AGPS: variants seen among roughly 807,000 people sequenced by gnomAD.
AGPS encodes alkyldihydroxyacetonephosphate synthase, peroxisomal.
A neutral mutation model predicts 90.7 loss-of-function variants in AGPS; 26 were observed. The observed-to-expected ratio is 0.29, with a 90% confidence interval of 0.21 to 0.40. The LOEUF (loss-of-function observed/expected upper bound fraction) is 0.40, where lower values mean the gene tolerates loss of function less well. Ranked by LOEUF, AGPS falls within the 10% of genes least tolerant of loss-of-function variation. AGPS has a pLI of 1.00. For synonymous variants in AGPS, 294 were observed against 285.3 expected (o/e 1.03, Z -0.31); for missense variants, 540 against 816.1 (o/e 0.66, Z 4.12).
rs1265615518 is a variant in AGPS, at chr2:177,523,776, A to G, written c.1826A>G (p.Asn609Ser). 8.7e-6 allele frequency: 14 copies of G among 1,613,852 alleles called. No homozygotes were observed. The highest frequency in any genetic ancestry group is 1.2e-5 in the Non-Finnish European group (14 of 1,179,894). ...EAAAREEILANGGSLSHHHGV... is the reference protein window; with the variant it reads ...EAAAREEILASGGSLSHHHGV... ...GCTGCTAGAGAAGAAATCCTTGCTA[A>G]TGGAGGGAGCCTGTCACATCACCAT... is the stretch of plus-strand genomic sequence containing the variant. The change falls in exon 19 of 20, where the codon AAT becomes AGT. Residue 609 changes from asparagine to serine, a missense_variant. This residue lies in a region of AGPS where 405 missense variants were observed against 692.1 expected (regional missense o/e 0.59). Transcript: ENST00000264167.
At chr2:177,501,051 G>A (rs1188665187) in intron 14 of AGPS, among the ~76,000 whole-genome samples, 1 of 152,112 alleles carries the variant, frequency 6.6e-6, no homozygotes, top group African/African-American at 2.4e-5. Context: ...AAGGCACAAG[G>A]ACATTTAAAA....
intron 3 of AGPS, among the ~76,000 whole-genome samples, chr2:177,435,482 C>T (rs1028972713): frequency 6.6e-6 from 1 of 152,006 alleles, no homozygotes; most frequent in Non-Finnish European, 1.5e-5. Context: ...GTTTTGAGCC[C>T]TTTTCAATTC....
Position 177,541,560 on chromosome 2 carries a change from C to T in AGPS, c.*3365C>T, listed in dbSNP as rs1448832423. The T allele has an allele frequency of 6.6e-6, 1 of 152,166 alleles. No homozygotes were observed. Among genetic ancestry groups the T allele is most frequent in the Non-Finnish European group, 1.5e-5 (1 of 68,018 alleles). The allele number at this position is 152,166 out of a possible 1,614,324, so 9.4% of individuals were successfully genotyped here. A position where few individuals can be genotyped will look rare whatever the true frequency, so the allele number is the denominator to read the frequency against. ...AAGCATATCTATATCTTAAAAAACA[C>T]TCAGACAGGAGTTAAGGACAGCTTT... On this transcript the variant is annotated 3_prime_UTR_variant, in exon 20 of 20. Transcript: ENST00000264167.
intron 1 of AGPS, among the ~76,000 whole-genome samples, chr2:177,410,921 G>A (rs373072576): frequency 6.6e-6 from 1 of 152,170 alleles, no homozygotes; most frequent in Non-Finnish European, 1.5e-5. Context: ...GGGCATGGAC[G>A]AGGGGGTAGC....
At chr2:177,460,858 G>A (rs1232859665) in intron 8 of AGPS, among the ~76,000 whole-genome samples, 3 of 152,134 alleles carry the variant, frequency 2.0e-5, no homozygotes, top group African/African-American at 7.2e-5. Context: ...AACAGTTGAT[G>A]TCTTTTAAAA....
intron 1 of AGPS, among the ~76,000 whole-genome samples, chr2:177,417,367 C>T (rs1362089587): frequency 6.6e-6 from 1 of 152,092 alleles, no homozygotes; most frequent in Non-Finnish European, 1.5e-5. Context: ...GGGTCCCATC[C>T]CCAAGAAATC....
intron 1 of AGPS, among the ~76,000 whole-genome samples, chr2:177,413,684 G>C (rs1392293852): frequency 6.6e-6 from 1 of 152,196 alleles, no homozygotes; most frequent in African/African-American, 2.4e-5. Context: ...TCCTGATGCA[G>C]ATTTGGATTG....
At position 177,440,860 on chromosome 2, in the gene AGPS, A is replaced by G. The variant is rs567335648; in HGVS notation, c.638-105A>G. On this transcript the variant is annotated intron_variant, in intron 5 of 19. Transcript: ENST00000264167. Reference sequence around the variant, plus strand: ...ACTCATTGTGTTAATGAGCAAATGAATGAAGGAAAAGTTTAGATAAAGAAT... The same window carrying G: ...ACTCATTGTGTTAATGAGCAAATGAGTGAAGGAAAAGTTTAGATAAAGAAT... 2.0e-4 allele frequency: 180 copies of G among 919,140 alleles called. 1 individual carries two copies. In the African/African-American group the frequency reaches 2.7e-3, roughly 14 times the overall value. 56.9% of individuals were successfully genotyped at this position (919,140 alleles called of 1,614,324 possible).
chr2:177,436,739 CAAAG>C, intron 3 of AGPS, 21 bp from the exon 4 acceptor site: 10 of 1,607,336 alleles, frequency 6.2e-6, no homozygotes, highest in Non-Finnish European at 8.5e-6. Flanking sequence ...AAAAATAAGT[CAAAG>C]AAATCAATTT....
intron 8 of AGPS, among the ~76,000 whole-genome samples, chr2:177,448,317 T>C (rs1482743628): frequency 1.3e-5 from 2 of 152,192 alleles, no homozygotes; most frequent in African/African-American, 4.8e-5. Context: ...ACTTAGAACT[T>C]TGATTCATTC....
rs1006100096 is a variant in AGPS at position 177,507,562 on chromosome 2, C to T, written c.1546-408C>T. ...CTAAACACCTTCCCCCTGCCCCTCACTTCTTGATCTTCCTACTCCTTTGAT... is the reference window on the plus strand; with the variant it reads ...CTAAACACCTTCCCCCTGCCCCTCATTTCTTGATCTTCCTACTCCTTTGAT... On this transcript the variant is annotated intron_variant, in intron 15 of 19. Transcript: ENST00000264167. Among the ~76,000 whole-genome samples the T allele has an allele frequency of 4.3e-4, 66 of 152,196 alleles. 1 individual carries two copies. The highest frequency in any genetic ancestry group is 4.4e-5 in the Non-Finnish European group (3 of 68,022).
chr2:177,395,409 G>A (rs2105579690), intron 1 of AGPS, among the ~76,000 whole-genome samples: 1 of 152,328 alleles, frequency 6.6e-6, no homozygotes, highest in South Asian at 2.1e-4. Flanking sequence ...CTGGTCTTTG[G>A]TTCGGGGTTA....
intron 5 of AGPS, among the ~76,000 whole-genome samples, chr2:177,440,691 A>G (rs1686576583): frequency 6.6e-6 from 1 of 152,130 alleles, no homozygotes; most frequent in Admixed American, 6.5e-5. Context: ...CTTGGTTTTG[A>G]AATTGGACTG....
chr2:177,440,581 G>A (rs1270711544), intron 5 of AGPS, among the ~76,000 whole-genome samples: 2 of 152,104 alleles, frequency 1.3e-5, no homozygotes, highest in African/African-American at 2.4e-5. Flanking sequence ...TGTGATCCTG[G>A]AGTTGATTCT....
intron 10 of AGPS, among the ~76,000 whole-genome samples, chr2:177,469,269 T>C (rs1295327905): frequency 6.6e-6 from 1 of 152,168 alleles, no homozygotes; most frequent in Non-Finnish European, 1.5e-5. Context: ...AGCTCATTAT[T>C]CACTTCAGAA....
chr2:177,477,016 G>A (rs948595449), intron 10 of AGPS, among the ~76,000 whole-genome samples: 2 of 151,650 alleles, frequency 1.3e-5, no homozygotes, highest in African/African-American at 2.4e-5. Flanking sequence ...TTTTTCTTTC[G>A]ATCTAGTCGT....
At chr2:177,439,869 A>G (rs973737168) in intron 5 of AGPS, among the ~76,000 whole-genome samples, 1 of 152,024 alleles carries the variant, frequency 6.6e-6, no homozygotes, top group Non-Finnish European at 1.5e-5. Flanking sequence ...ACCTCCACTA[A>G]TGTCCTATTG....
At position 177,392,890 on chromosome 2, in the gene AGPS, C is replaced by T; in HGVS notation, c.101C>T (p.Ala34Val). Residue 34 changes from alanine (A) to valine (V), a missense_variant, in exon 1 of 20, where the codon GCC becomes GTC. Transcript: ENST00000264167. ...GACCGGGACCCGGACCCGGACCGCG[C>T]CGGGCGGAGGCTGCGGGTTCTCTCT... The part of the protein sequence containing the change: ...DRDRDPDPDR[A>V]GRRLRVLSGH... The T allele has an allele frequency of 6.4e-7, 1 of 1,550,832 alleles. No individual in the cohort carries two copies. Among genetic ancestry groups the T allele is most frequent in the Non-Finnish European group, 8.7e-7 (1 of 1,148,076 alleles).
intron 10 of AGPS, 99 bp from the exon 11 acceptor site, chr2:177,481,960 A>G (rs866992606): frequency 8.7e-7 from 1 of 1,146,206 alleles, no homozygotes. Context: ...ATAAATTTAA[A>G]TGTGCATAAT....
Sources: gnomAD v4.1 joint callset for allele counts (sites outside exome capture counted in the v4.1 genomes callset) on GRCh38, gnomAD v4.1.1 for gene constraint, gnomAD v4.1.1 regional missense constraint, MANE v1.5 for transcripts, NCBI Gene and HGNC (gene_info 2026-07-23, HGNC 2026-07-21) for gene names.